The following RIMBP2 variants were observed in gnomAD, a reference collection of about 807,000 sequenced individuals.
RIMBP2 encodes the protein RIMS binding protein 2.
RIMBP2 carries 48 observed loss-of-function variants against 118.6 expected under a neutral mutation model. The observed-to-expected ratio is 0.40, with a 90% CI of 0.32 to 0.51. RIMBP2 has a LOEUF of 0.51. Ranked by LOEUF, RIMBP2 falls within the 20% of genes least tolerant of loss-of-function variation. RIMBP2 has a pLI of 0.41. For missense variants in RIMBP2, 1,551 were observed against 1,768.3 expected (o/e 0.88, Z 2.20); for synonymous variants, 762 against 742.9 (o/e 1.03, Z -0.42).
At position 130,578,149 on chromosome 12, in the gene RIMBP2, G is replaced by A. The variant is rs1302895815; in HGVS notation, c.-217+50173C>T. ...TTATTCACAGGATTCAGAGATTCCA[G>A]GAAAGTAAAGGTAGTGCAGGCTTGG... On this transcript the variant is annotated intron_variant, in intron 2 of 22. Transcript: ENST00000690449. The surrounding 1 kb of genome is among the most constrained non-coding windows in gnomAD (Gnocchi z 4.1). Among the ~76,000 whole-genome samples, 1 of 152,188 alleles carries A rather than the reference G, an allele frequency of 6.6e-6. No homozygotes were observed. The highest frequency in any genetic ancestry group is 2.4e-5 in the African/African-American group (1 of 41,444).
intron 3 of RIMBP2, among the ~76,000 whole-genome samples, chr12:130,513,655 C>T (rs914028213): frequency 6.6e-5 from 10 of 152,200 alleles, no homozygotes; most frequent in Non-Finnish European, 1.5e-5. Flanking sequence ...CCCAGCTCAT[C>T]GGTTTCCTCC....
intron 1 of RIMBP2, among the ~76,000 whole-genome samples, chr12:130,634,628 G>A (rs1260430256): frequency 6.6e-6 from 1 of 150,870 alleles, no homozygotes; most frequent in Non-Finnish European, 1.5e-5. Flanking sequence ...GTCTCATTCT[G>A]CCACCTAGGC....
chr12:130,484,351 C>G (rs73446548), intron 4 of RIMBP2, among the ~76,000 whole-genome samples: 1 of 152,358 alleles, frequency 6.6e-6, no homozygotes, highest in Admixed American at 6.5e-5. Flanking sequence ...GACCTTCACA[C>G]GTGTTGCTCT....
chr12:130,561,621 T>A (rs2056829342), intron 2 of RIMBP2, among the ~76,000 whole-genome samples: 1 of 152,136 alleles, frequency 6.6e-6, no homozygotes. Flanking sequence ...TACGGATATG[T>A]TTAACTCCCA....
chr12:130,599,175 C>T (rs955283576), intron 2 of RIMBP2, among the ~76,000 whole-genome samples: 5 of 152,144 alleles, frequency 3.3e-5, no homozygotes, highest in Non-Finnish European at 7.3e-5. Flanking sequence ...AAAATTAACG[C>T]AAAATAGATC....
chr12:130,705,613 G>A (rs1483873433), intron 1 of RIMBP2, among the ~76,000 whole-genome samples: 4 of 152,210 alleles, frequency 2.6e-5, no homozygotes, highest in East Asian at 1.9e-4. Context: ...GTTTCTCTGC[G>A]GTTCTCACGC....
In RIMBP2 at chr12:130,424,243, G is replaced by C; in HGVS notation, c.3028C>G (p.Gln1010Glu). Residue 1010 changes from glutamine to glutamate, a missense_variant, in exon 16 of 23, where the codon CAA becomes GAA. Physicochemically the swap from Gln to Glu is conservative, Grantham distance 29 (BLOSUM62 2). Coordinates refer to ENST00000690449, the MANE Select transcript of RIMBP2 (RefSeq NM_001393629.1). The surrounding 1 kb of genome is among the most constrained non-coding windows in gnomAD (Gnocchi z 9.8). ...KHGWGEPTEHQDFRGVWKKSI... is the reference protein window; with the variant it reads ...KHGWGEPTEHEDFRGVWKKSI... ...TTCTTCCAGACACCCCGAAAATCTT[G>C]GTGCTCGGTGGGCTCGCCCCAGCCG... 8.1e-7 allele frequency: 1 copy of C among 1,231,978 alleles called. No homozygotes were observed. The highest frequency in any genetic ancestry group is 1.0e-6 in the Non-Finnish European group (1 of 987,926). 76.3% of individuals were successfully genotyped at this position (1,231,978 alleles called of 1,614,324 possible). A position where few individuals can be genotyped will look rare whatever the true frequency, so the allele number is the denominator to read the frequency against.
At chr12:130,406,931 G>A (rs550330244) in intron 20 of RIMBP2, among the ~76,000 whole-genome samples, 1 of 152,278 alleles carries the variant, frequency 6.6e-6, no homozygotes, top group African/African-American at 2.4e-5. Context: ...GTAAGCCACC[G>A]CACCCAGCCT....
chr12:130,627,754 C>T (rs997870627), intron 2 of RIMBP2, among the ~76,000 whole-genome samples: 1 of 152,166 alleles, frequency 6.6e-6, no homozygotes, highest in African/African-American at 2.4e-5. Context: ...GCTAGCAGGT[C>T]CTGCTGCCCC....
intron 2 of RIMBP2, among the ~76,000 whole-genome samples, chr12:130,577,214 C>T (rs747035101): frequency 7.2e-5 from 11 of 152,138 alleles, no homozygotes; most frequent in East Asian, 1.9e-4. Context: ...GGGATGGTAA[C>T]GGTGCCTGAC....
intron 2 of RIMBP2, among the ~76,000 whole-genome samples, chr12:130,547,022 G>A (rs1380583901): frequency 5.3e-5 from 8 of 152,106 alleles, no homozygotes; most frequent in African/African-American, 1.9e-4. Context: ...TGTTATCATT[G>A]CTGTTGTAGT....
chr12:130,470,560 C>T (rs12299010), intron 6 of RIMBP2, 133 bp downstream of exon 6: 7,661 of 443,974 alleles, frequency 0.017, 500 homozygotes, highest in African/African-American at 0.14. Flanking sequence ...CATGAGAAGA[C>T]ACATGAATGG....
chr12:130,399,049 C>T, intron 22 of RIMBP2: 1 of 828,080 alleles, frequency 1.2e-6, no homozygotes, highest in Non-Finnish European at 1.8e-6. Context: ...CTTAAGTCTA[C>T]CACACTGGCC....
intron 17 of RIMBP2, among the ~76,000 whole-genome samples, chr12:130,421,443 C>G (rs1944167588): frequency 6.6e-6 from 1 of 152,142 alleles, no homozygotes; most frequent in Non-Finnish European, 1.5e-5. Flanking sequence ...TTGAATTGTA[C>G]AAGGAAGAAA....
At chr12:130,645,093 CTTTTTT>C (rs61370338) in intron 1 of RIMBP2, among the ~76,000 whole-genome samples, 1 of 143,718 alleles carries the variant, frequency 7.0e-6, no homozygotes, top group African/African-American at 2.5e-5. Flanking sequence ...CAAATCAGAA[CTTTTTT>C]TTTTTTTTTT....
Position 130,468,523 on chromosome 12 carries a change from G to A in RIMBP2, c.153+2170C>T, listed in dbSNP as rs971195628. ...CGAACTCACCATCCAACTCAGAGGC[G>A]TGGAAAACTTTCAAAGGCCTGTCTC... is the stretch of plus-strand genomic sequence containing the variant. On this transcript the variant is annotated intron_variant, in intron 6 of 22. Transcript: ENST00000690449. Among the ~76,000 whole-genome samples, 120 of 152,122 alleles carry A rather than the reference G, an allele frequency of 7.9e-4. 3 individuals carry two copies. Among genetic ancestry groups the A allele is most frequent in the Non-Finnish European group, 2.2e-4 (15 of 67,994 alleles).
intron 1 of RIMBP2, among the ~76,000 whole-genome samples, chr12:130,681,690 A>G (rs1434346848): frequency 6.6e-6 from 1 of 152,064 alleles, no homozygotes; most frequent in Admixed American, 6.6e-5. Flanking sequence ...TCACGCGAGT[A>G]TTTCTCTTTC....
chr12:130,626,938 A>G (rs2061676255), intron 2 of RIMBP2, among the ~76,000 whole-genome samples: 1 of 150,940 alleles, frequency 6.6e-6, no homozygotes, highest in African/African-American at 2.4e-5. Context: ...CAGCATCACC[A>G]TTACCACCAT....
chr12:130,599,490 A>C (rs949585732), intron 2 of RIMBP2, among the ~76,000 whole-genome samples: 8 of 152,242 alleles, frequency 5.3e-5, no homozygotes, highest in Admixed American at 5.2e-4. Context: ...ACATATGGCA[A>C]ATAAGCACAT....
Sources: allele counts gnomAD v4.1 joint callset (sites outside exome capture counted in the v4.1 genomes callset), GRCh38; gene constraint gnomAD v4.1.1; non-coding constraint Gnocchi (gnomAD v3.1); transcripts MANE v1.5; gene names NCBI Gene and HGNC (gene_info 2026-07-23, HGNC 2026-07-21).